WWP1: variants seen among roughly 807,000 people sequenced by gnomAD.
WWP1 encodes the protein WW domain containing E3 ubiquitin protein ligase 1.
In WWP1, 49 loss-of-function variants were observed where a neutral mutation model predicts 130.6. The ratio of observed to expected loss-of-function variants is 0.38; its 90% CI spans 0.30 to 0.48. WWP1 has a LOEUF of 0.48. Among genes scored for constraint, WWP1 ranks in the 20% least tolerant of loss-of-function variants. The probability of loss-of-function intolerance (pLI) is 0.99; values close to 1 mark genes in which losing one functional copy is unlikely to be tolerated. For synonymous variants in WWP1, 332 were observed against 367.8 expected, an observed-to-expected ratio of 0.90 and a Z score of 1.11; for missense variants, 809 against 1,100.6, an observed-to-expected ratio of 0.74 and a Z score of 3.75.
In WWP1 at chr8:86,438,606, G is replaced by T; in HGVS notation, c.1771G>T (p.Asp591Tyr). ...FQQIMALKPY[D>Y]LRRRLYVIFR... ...TTAGATTATGGCATTAAAACCCTAT[G>T]ACTTGAGGAGGCGCTTATATGTAAT... is the stretch of plus-strand genomic sequence containing the variant. Residue 591 changes from aspartate (D) to tyrosine (Y), a missense_variant, in exon 17 of 25, where the codon GAC becomes TAC. Coordinates refer to ENST00000517970, the MANE Select transcript of WWP1 (RefSeq NM_007013.4). 6.2e-7 allele frequency: 1 copy of T among 1,607,852 alleles called. No individual in the cohort carries two copies. Among genetic ancestry groups the T allele is most frequent in the Non-Finnish European group, 8.5e-7 (1 of 1,178,412 alleles).
rs894008717 is a variant in WWP1, at chr8:86,408,252, C to T, written c.725-3286C>T. On this transcript the variant is annotated intron_variant, in intron 8 of 24. Transcript: ENST00000517970. ...TCATTTCTTTTTATCACTAAATACTCACTTATTATAAAGGCTCCTTGGTTA... is the reference window on the plus strand; with the variant it reads ...TCATTTCTTTTTATCACTAAATACTTACTTATTATAAAGGCTCCTTGGTTA... 1.8e-4 allele frequency among the ~76,000 whole-genome samples: 27 copies of T among 152,128 alleles called. 1 individual carries two copies. The highest frequency in any genetic ancestry group is 1.7e-3 in the Admixed American group (26 of 15,278).
intron 7 of WWP1, among the ~76,000 whole-genome samples, chr8:86,399,395 A>C (rs1240157158): frequency 1.3e-5 from 2 of 152,208 alleles, no homozygotes; most frequent in Admixed American, 1.3e-4. Flanking sequence ...GTTTGAAGTA[A>C]TTTAAATTGG....
At chr8:86,399,475 A>T (rs1807851046) in intron 7 of WWP1, among the ~76,000 whole-genome samples, 1 of 152,172 alleles carries the variant, frequency 6.6e-6, no homozygotes, top group Non-Finnish European at 1.5e-5. Flanking sequence ...GGTAAAATGG[A>T]CTCATTACCT....
At chr8:86,365,802 T>C (rs1399020746) in intron 1 of WWP1, among the ~76,000 whole-genome samples, 2 of 152,158 alleles carry the variant, frequency 1.3e-5, no homozygotes, top group Non-Finnish European at 2.9e-5. Flanking sequence ...TCTCTATTTA[T>C]ATATAAAAAG....
intron 24 of WWP1, among the ~76,000 whole-genome samples, chr8:86,464,197 A>G (rs1210858217): frequency 6.6e-6 from 1 of 152,236 alleles, no homozygotes; most frequent in African/African-American, 2.4e-5. Flanking sequence ...TCAAAGAATA[A>G]TATCCATAAT....
At chr8:86,398,263 T>C in intron 5 of WWP1, 79 bp from the exon 6 acceptor site, 1 of 1,459,752 alleles carries the variant, frequency 6.9e-7, no homozygotes, top group African/African-American at 1.4e-5. Context: ...ATTAGAGTGA[T>C]TCTTGAAATG....
intron 1 of WWP1, among the ~76,000 whole-genome samples, chr8:86,347,684 G>A (rs1478120597): frequency 3.3e-5 from 5 of 152,144 alleles, no homozygotes; most frequent in African/African-American, 1.2e-4. Flanking sequence ...TTTCTTATCT[G>A]GAAAAGTACA....
rs1460720104 is a variant in WWP1 at position 86,467,013 on chromosome 8, A to G, written c.*120A>G. On this transcript the variant is annotated 3_prime_UTR_variant, in exon 25 of 25. Transcript: ENST00000517970. The stretch of plus-strand genomic sequence containing the variant: ...GTGAATTTTCCGAACCTCTCAAAGT[A>G]TGTTTTCCGTTCTTCCACAGAAATA... 7.2e-6 allele frequency: 5 copies of G among 697,622 alleles called. No individual in the cohort carries two copies. Among genetic ancestry groups the G allele is most frequent in the Non-Finnish European group, 1.2e-5 (5 of 412,646 alleles). The allele number at this position is 697,622 out of a possible 1,614,324, so 43.2% of individuals were successfully genotyped here.
At chr8:86,440,827 T>C (rs1298060138) in intron 17 of WWP1, 1 of 363,278 alleles carries the variant, frequency 2.8e-6, no homozygotes, top group East Asian at 7.4e-5. Context: ...TTGATTTTTC[T>C]CAAGCCTATC....
At chr8:86,368,723 G>A (rs1181580657) in intron 1 of WWP1, among the ~76,000 whole-genome samples, 2 of 152,144 alleles carry the variant, frequency 1.3e-5, no homozygotes, top group Non-Finnish European at 2.9e-5. Flanking sequence ...CACTATGCAA[G>A]CAGTTCTCTG....
chr8:86,438,676 A>G lies in WWP1; in HGVS notation c.1838+3A>G. On this transcript the variant is annotated splice_donor_region_variant and intron_variant, in intron 17 of 24. Transcript: ENST00000517970. ...CTTGATTATGGTGGCCTAGCGAGGT[A>G]AAATAAAAAACACATATCTGCCTTG... The G allele has an allele frequency of 6.3e-7, 1 of 1,596,422 alleles. No homozygotes were observed. The highest frequency in any genetic ancestry group is 8.5e-7 in the Non-Finnish European group (1 of 1,174,752).
At chr8:86,453,281 A>T (rs1464952528) in intron 21 of WWP1, among the ~76,000 whole-genome samples, 2 of 152,124 alleles carry the variant, frequency 1.3e-5, no homozygotes, top group African/African-American at 4.8e-5. Context: ...GAGTGAAATC[A>T]TACAGTATTT....
At chr8:86,355,914 G>GA in intron 1 of WWP1, among the ~76,000 whole-genome samples, 1 of 152,312 alleles carries the variant, frequency 6.6e-6, no homozygotes, top group South Asian at 2.1e-4. Context: ...CGTATGTAGT[G>GA]AAAAGAGCAT....
intron 9 of WWP1, among the ~76,000 whole-genome samples, chr8:86,415,919 A>T (rs188617102): frequency 6.6e-6 from 1 of 152,358 alleles, no homozygotes; most frequent in African/African-American, 2.4e-5. Context: ...TGCCTACCGT[A>T]TAGCAGGCAC....
chr8:86,372,046 C>T (rs1432004227), intron 2 of WWP1, among the ~76,000 whole-genome samples: 85 of 95,840 alleles, frequency 8.9e-4, no homozygotes, highest in African/African-American at 3.9e-3. Flanking sequence ...TTTTTTGAGA[C>T]GGAGTTTCGC....
intron 8 of WWP1, 139 bp from the exon 9 acceptor site, chr8:86,411,399 A>G: frequency 1.5e-6 from 1 of 663,552 alleles, no homozygotes; most frequent in South Asian, 2.8e-5. Context: ...TTTTGAAAAT[A>G]TTACTTTGTC....
At chr8:86,378,444 T>A (rs539178841) in intron 3 of WWP1, among the ~76,000 whole-genome samples, 15 of 152,228 alleles carry the variant, frequency 9.9e-5, no homozygotes, top group Non-Finnish European at 2.1e-4. Context: ...GTGAGTGGGA[T>A]TTTTGAGTTA....
In WWP1 at chr8:86,415,291, C is replaced by T. The variant is rs550670011; in HGVS notation, c.1061+3417C>T. On this transcript the variant is annotated intron_variant, in intron 9 of 24. Coordinates refer to ENST00000517970, the MANE Select transcript of WWP1 (RefSeq NM_007013.4). ...CCGTATCCTGCTTTATTTTCCCCAA[C>T]ATTTTATGTTGAAAATTTACAAATG... 2.6e-5 allele frequency among the ~76,000 whole-genome samples: 4 copies of T among 152,266 alleles called. No individual in the cohort carries two copies. In the South Asian group the frequency reaches 8.3e-4, roughly 32 times the overall value.
chr8:86,362,171 T>TATATATATATATATATATAAGGC (rs1823694059), intron 1 of WWP1, among the ~76,000 whole-genome samples: 7 of 63,766 alleles, frequency 1.1e-4, no homozygotes, highest in African/African-American at 3.1e-4. Context: ...GGCATATATA[T>TATATATATATATATATATAAGGC]ATATATATAT....
Sources: gnomAD v4.1 joint callset for allele counts (sites outside exome capture counted in the v4.1 genomes callset) on GRCh38, gnomAD v4.1.1 for gene constraint, MANE v1.5 for transcripts, NCBI Gene and HGNC (gene_info 2026-07-23, HGNC 2026-07-21) for gene names.